TPGS1: variants seen among roughly 807,000 people sequenced by gnomAD.
TPGS1 encodes gene trap ROSA b-geo 22.
Under a neutral mutation model 11.9 loss-of-function variants are expected in TPGS1, and 18 were observed. The ratio of observed to expected loss-of-function variants is 1.51; its 90% confidence interval spans 1.04 to 2.24. The LOEUF (loss-of-function observed/expected upper bound fraction) is 2.24. TPGS1 is among the 30% of genes most tolerant of loss of function. TPGS1 has a pLI of 0.00. For synonymous variants in TPGS1, 247 were observed against 218.2 expected (o/e 1.13, Z -1.16); for missense variants, 500 against 443.0 (o/e 1.13, Z -1.16).
rs539053810 is a variant in TPGS1, at chr19:507,589, C to T, written c.83C>T (p.Ala28Val). The T allele has an allele frequency of 2.9e-6, 4 of 1,397,706 alleles. No individual in the cohort carries two copies. The highest frequency in any genetic ancestry group is 3.0e-5 in the African/African-American group (2 of 66,696). The allele number at this position is 1,397,706 out of a possible 1,614,324, so 86.6% of individuals were successfully genotyped here. A position where few individuals can be genotyped will look rare whatever the true frequency, so the allele number is the denominator to read the frequency against. ...TDSGRQSVSR[A>V]AGAAESEEDF... ...AGCGGCCGCCAGTCGGTATCCCGGG[C>T]GGCGGGGGCGGCCGAGAGCGAGGAG... The change falls in exon 1 of 2, where the codon GCG (alanine) becomes GTG (valine). Residue 28 changes from alanine (A) to valine (V), a missense_variant. Ala to Val is a moderately conservative substitution (Grantham distance 64). Coordinates refer to ENST00000359315, the MANE Select transcript of TPGS1 (RefSeq NM_033513.3).
chr19:516,387 T>TA (rs1978955083), intron 1 of TPGS1, among the ~76,000 whole-genome samples: 3 of 141,544 alleles, frequency 2.1e-5, no homozygotes, highest in African/African-American at 8.6e-5. Context: ...TTTTTCTTTT[T>TA]CTTTTTTTTT....
chr19:511,344 T>C (rs926755064), intron 1 of TPGS1, among the ~76,000 whole-genome samples: 5 of 152,246 alleles, frequency 3.3e-5, no homozygotes, highest in Admixed American at 1.3e-4. Flanking sequence ...CACCTTCCTG[T>C]CTCCTGCCGT....
chr19:518,929 C>G lies in TPGS1; in HGVS notation c.379C>G (p.Leu127Val). The stretch of plus-strand genomic sequence containing the variant: ...CAACGTGAGCGTGGCCTACGAGTGC[C>G]TGAGCGCCGGCGGGCGCAGGAAGAG... ...NNNVSVAYEC[L>V]SAGGRRKRPG... is the part of the protein sequence containing the mutation. Residue 127 changes from leucine (L) to valine (V), a missense_variant, in exon 2 of 2, where the codon CTG becomes GTG. Coordinates refer to ENST00000359315, the MANE Select transcript of TPGS1 (RefSeq NM_033513.3). 1 of 1,578,208 alleles carries G rather than the reference C, an allele frequency of 6.3e-7. No individual in the cohort carries two copies. Among genetic ancestry groups the G allele is most frequent in the East Asian group, 2.3e-5 (1 of 43,786 alleles).
intron 1 of TPGS1, among the ~76,000 whole-genome samples, chr19:512,743 GT>G (rs1978836467): frequency 6.6e-6 from 1 of 152,260 alleles, no homozygotes; most frequent in Admixed American, 6.5e-5. Flanking sequence ...TCACGGCCTG[GT>G]GCCGTCCCTT....
At chr19:515,971 G>A (rs1380657259) in intron 1 of TPGS1, among the ~76,000 whole-genome samples, 2 of 150,914 alleles carry the variant, frequency 1.3e-5, no homozygotes, top group Non-Finnish European at 3.0e-5. Context: ...GGCGGAGCTT[G>A]CAGTGAGCCG....
chr19:512,562 G>A (rs908071834), intron 1 of TPGS1, among the ~76,000 whole-genome samples: 1 of 151,356 alleles, frequency 6.6e-6, no homozygotes, highest in Middle Eastern at 3.4e-3. Flanking sequence ...TAACATTCCC[G>A]CTGAAAGTGG....
At chr19:507,923 G>C in intron 1 of TPGS1, 79 bp downstream of exon 1, 1 of 1,146,024 alleles carries the variant, frequency 8.7e-7, no homozygotes, top group Non-Finnish European at 1.1e-6. Flanking sequence ...CTCCCTACCC[G>C]CAGCGCCGGC....
At chr19:514,616 G>A (rs541925720) in intron 1 of TPGS1, among the ~76,000 whole-genome samples, 2 of 152,244 alleles carry the variant, frequency 1.3e-5, no homozygotes, top group Admixed American at 6.5e-5. Context: ...CGTGTGCCCA[G>A]GTCATGCCGG....
Position 519,085 on chromosome 19 carries a change from A to G in TPGS1, c.535A>G (p.Ser179Gly), listed in dbSNP as rs1278653892. 6.5e-7 allele frequency: 1 copy of G among 1,533,142 alleles called. No individual in the cohort carries two copies. The highest frequency in any genetic ancestry group is 2.0e-5 in the Admixed American group (1 of 51,074). 95.0% of individuals were successfully genotyped at this position (1,533,142 alleles called of 1,614,324 possible). ...CCGTGACCACGAGGCGGTGCCGCTG[A>G]GCGTCTTCCGCGCGGGCACACTCAC... Reference protein sequence around the residue: ...QCRDHEAVPLSVFRAGTLTCF... With the variant: ...QCRDHEAVPLGVFRAGTLTCF... The change falls in exon 2 of 2, where the codon AGC (serine) becomes GGC (glycine). Residue 179 changes from serine (S) to glycine (G), a missense_variant. Ser to Gly is a moderately conservative substitution (Grantham distance 56). Coordinates refer to ENST00000359315, the MANE Select transcript of TPGS1 (RefSeq NM_033513.3).
At position 519,449 on chromosome 19, in the gene TPGS1, A is replaced by T; in HGVS notation, c.*26A>T. ...GGCCCGTGGGCCGCGCGGATCCGGG[A>T]TCTGCGCTGGGGGGTCCCCGCGTGC... On this transcript the variant is annotated 3_prime_UTR_variant, in exon 2 of 2. Transcript: ENST00000359315. 8.3e-7 allele frequency: 1 copy of T among 1,198,424 alleles called. No homozygotes were observed. Among genetic ancestry groups the T allele is most frequent in the Non-Finnish European group, 1.0e-6 (1 of 965,436 alleles). 74.2% of individuals were successfully genotyped at this position (1,198,424 alleles called of 1,614,324 possible). A position where few individuals can be genotyped will look rare whatever the true frequency, so the allele number is the denominator to read the frequency against.
At chr19:509,644 T>G (rs1319874443) in intron 1 of TPGS1, 22 of 152,370 alleles carry the variant, frequency 1.4e-4, no homozygotes, top group Admixed American at 1.4e-3. Context: ...CGTGGCCTCC[T>G]GTGTGTCTCT....
At chr19:511,748 A>G (rs1978802608) in intron 1 of TPGS1, among the ~76,000 whole-genome samples, 2 of 152,236 alleles carry the variant, frequency 1.3e-5, no homozygotes, top group African/African-American at 4.8e-5. Flanking sequence ...GCGCTGGGTA[A>G]TCCCGGCCCA....
intron 1 of TPGS1, among the ~76,000 whole-genome samples, chr19:511,469 G>A (rs1184522796): frequency 6.6e-6 from 1 of 152,262 alleles, no homozygotes; most frequent in Non-Finnish European, 1.5e-5. Context: ...AGCAGGTGGG[G>A]CCTCCCACAC....
intron 1 of TPGS1, among the ~76,000 whole-genome samples, chr19:518,498 A>G (rs186832702): frequency 7.4e-5 from 2 of 26,910 alleles, no homozygotes; most frequent in African/African-American, 1.6e-4. Context: ...CCTGGGCTGG[A>G]GATGCTGGGG....
chr19:518,537 G>A (rs932202461), intron 1 of TPGS1, among the ~76,000 whole-genome samples: 1 of 103,400 alleles, frequency 9.7e-6, no homozygotes, highest in African/African-American at 4.0e-5. Context: ...GGGATGCTTG[G>A]GGGAGGGAGG....
At chr19:515,836 T>A (rs1460175921) in intron 1 of TPGS1, among the ~76,000 whole-genome samples, 1 of 151,632 alleles carries the variant, frequency 6.6e-6, no homozygotes, top group East Asian at 1.9e-4. Context: ...ATCGAGACCA[T>A]CCCGGCTAAA....
At position 519,386 on chromosome 19, in the gene TPGS1, C is replaced by G; in HGVS notation, c.836C>G (p.Ala279Gly). Residue 279 changes from alanine to glycine, a missense_variant, in exon 2 of 2, where the codon GCC (alanine) becomes GGC (glycine). Transcript: ENST00000359315. ...CGCGAGGAGTTTCTGGAGAGGGCCG[C>G]CGCGCTCTTCATCGCGAAGGTCAAG... ...MTREEFLERAAALFIAKVKPV... is the reference protein window; with the variant it reads ...MTREEFLERAGALFIAKVKPV... 8.2e-7 allele frequency: 1 copy of G among 1,226,882 alleles called. No individual in the cohort carries two copies. The highest frequency in any genetic ancestry group is 1.0e-6 in the Non-Finnish European group (1 of 983,586). The allele number at this position is 1,226,882 out of a possible 1,614,324, so 76.0% of individuals were successfully genotyped here.
rs1029881069 is a variant in TPGS1, at chr19:507,535, C to A, written c.29C>A (p.Ala10Glu). ...GCGGCAGTGGAGAAGCGGCGGCAAG[C>A]GGTACCACCGCCGGCCGGTTTCACG... is the stretch of plus-strand genomic sequence containing the variant. MAAVEKRRQ[A>E]VPPPAGFTDS... Residue 10 changes from alanine (A) to glutamate (E), a missense_variant, in exon 1 of 2, where the codon GCG (alanine) becomes GAG (glutamate). By Grantham distance (107) the Ala-to-Glu change is moderately radical. Coordinates refer to ENST00000359315, the MANE Select transcript of TPGS1 (RefSeq NM_033513.3). The A allele has an allele frequency of 3.5e-6, 5 of 1,418,164 alleles. No individual in the cohort carries two copies. In the African/African-American group the frequency reaches 6.0e-5, roughly 17 times the overall value. 87.8% of individuals were successfully genotyped at this position (1,418,164 alleles called of 1,614,324 possible). A position where few individuals can be genotyped will look rare whatever the true frequency, so the allele number is the denominator to read the frequency against.
intron 1 of TPGS1, among the ~76,000 whole-genome samples, chr19:511,623 G>A (rs932407951): frequency 1.3e-5 from 2 of 152,270 alleles, no homozygotes; most frequent in African/African-American, 2.4e-5. Context: ...CCCGAGGCAG[G>A]CCTGGGCCAG....
Sources: gnomAD v4.1 joint callset for allele counts (sites outside exome capture counted in the v4.1 genomes callset) on GRCh38, gnomAD v4.1.1 for gene constraint, MANE v1.5 for transcripts, NCBI Gene and HGNC (gene_info 2026-07-23, HGNC 2026-07-21) for gene names.